The following RNF180 variants were observed in gnomAD, a reference collection of about 807,000 sequenced individuals.
RNF180 encodes E3 ubiquitin-protein ligase RNF180.
A neutral mutation model predicts 59.2 loss-of-function variants in RNF180; 38 were observed. That is an observed-to-expected ratio of 0.64 (90% CI 0.50 to 0.84). The LOEUF (loss-of-function observed/expected upper bound fraction) is 0.84, where lower values mean the gene tolerates loss of function less well. Among genes scored for constraint, RNF180 ranks in the 40% least tolerant of loss-of-function variants. The pLI is 0.00. For missense variants in RNF180, 705 were observed against 700.9 expected, an observed-to-expected ratio of 1.01 and a Z score of -0.07; for synonymous variants, 262 against 240.3, an observed-to-expected ratio of 1.09 and a Z score of -0.84.
At chr5:64,312,946 TG>T (rs776593666) in intron 5 of RNF180, among the ~76,000 whole-genome samples, 5 of 152,144 alleles carry the variant, frequency 3.3e-5, no homozygotes, top group African/African-American at 1.2e-4. Flanking sequence ...GTACTATATC[TG>T]GGTGTGGCCT....
intron 5 of RNF180, among the ~76,000 whole-genome samples, chr5:64,265,934 A>AC (rs1035566897): frequency 1.3e-5 from 2 of 152,054 alleles, no homozygotes; most frequent in African/African-American, 4.8e-5. Flanking sequence ...GAGGTCCTTC[A>AC]CGTCCCTTGT....
At chr5:64,334,588 A>G (rs752706080) in intron 7 of RNF180, among the ~76,000 whole-genome samples, 85 of 152,150 alleles carry the variant, frequency 5.6e-4, no homozygotes, top group Non-Finnish European at 9.9e-4. Context: ...TTTTGTATTT[A>G]TCATTTCTTT....
intron 1 of RNF180, among the ~76,000 whole-genome samples, chr5:64,183,118 C>A (rs935027284): frequency 3.9e-5 from 6 of 152,190 alleles, no homozygotes; most frequent in Non-Finnish European, 7.3e-5. Flanking sequence ...TCTCACTCTT[C>A]TCATCCTTAG....
At position 64,213,853 on chromosome 5, in the gene RNF180, G is replaced by A; in HGVS notation, c.527G>A (p.Gly176Glu). The A allele has an allele frequency of 6.2e-7, 1 of 1,614,102 alleles. No homozygotes were observed. Among genetic ancestry groups the A allele is most frequent in the South Asian group, 1.1e-5 (1 of 91,082 alleles). Residue 176 changes from glycine to glutamate, a missense_variant, in exon 4 of 8, where the codon GGA (glycine) becomes GAA (glutamate). Physicochemically the swap from Gly to Glu is moderately conservative, Grantham distance 98. Coordinates refer to ENST00000389100, the MANE Select transcript of RNF180 (RefSeq NM_001113561.2). The part of the protein sequence containing the change: ...LNMARNNNDP[G>E]RLTEALCLEV... ...ATGGCCCGAAATAATAATGACCCTG[G>A]AAGATTAACAGAAGCACTCTGCCTG... is the stretch of plus-strand genomic sequence containing the variant.
chr5:64,263,283 T>G (rs1580137564), intron 5 of RNF180, among the ~76,000 whole-genome samples: 1 of 152,178 alleles, frequency 6.6e-6, no homozygotes, highest in Admixed American at 6.6e-5. Flanking sequence ...TGGGGAATAT[T>G]TCTCCAGTGA....
intron 1 of RNF180, among the ~76,000 whole-genome samples, chr5:64,170,582 G>C (rs140832416): frequency 3.3e-5 from 5 of 152,272 alleles, no homozygotes; most frequent in African/African-American, 1.2e-4. Flanking sequence ...AGCGGAAAAG[G>C]CATAAGAAAG....
intron 5 of RNF180, among the ~76,000 whole-genome samples, chr5:64,323,607 T>C (rs975958055): frequency 3.9e-5 from 6 of 152,170 alleles, no homozygotes; most frequent in African/African-American, 1.4e-4. Context: ...TTATAAGCAC[T>C]GTTTTAAATG....
chr5:64,335,792 T>C (rs1745100694), intron 7 of RNF180, among the ~76,000 whole-genome samples: 1 of 152,196 alleles, frequency 6.6e-6, no homozygotes, highest in Non-Finnish European at 1.5e-5. Flanking sequence ...CTGGTCAAGC[T>C]GCATGAAAAA....
chr5:64,194,021 T>C (rs2112019181), intron 1 of RNF180, among the ~76,000 whole-genome samples: 1 of 152,294 alleles, frequency 6.6e-6, no homozygotes, highest in East Asian at 1.9e-4. Context: ...TTTTTTATTA[T>C]ACTTTAAGTT....
At chr5:64,225,205 T>C (rs1741604153) in intron 5 of RNF180, among the ~76,000 whole-genome samples, 1 of 152,244 alleles carries the variant, frequency 6.6e-6, no homozygotes, top group South Asian at 2.1e-4. Flanking sequence ...GTTTGATGAA[T>C]AGAACTAGGT....
At chr5:64,300,352 T>C (rs1055179619) in intron 5 of RNF180, among the ~76,000 whole-genome samples, 1 of 151,818 alleles carries the variant, frequency 6.6e-6, no homozygotes, top group Non-Finnish European at 1.5e-5. Flanking sequence ...GACTTAACGA[T>C]GGTTAGACAT....
chr5:64,289,210 T>C (rs190101519), intron 5 of RNF180, among the ~76,000 whole-genome samples: 2 of 152,324 alleles, frequency 1.3e-5, no homozygotes, highest in African/African-American at 4.8e-5. Context: ...TCTGAATACA[T>C]TGAACCACCC....
intron 7 of RNF180, among the ~76,000 whole-genome samples, chr5:64,332,916 C>T (rs1242579934): frequency 6.6e-6 from 1 of 151,998 alleles, no homozygotes; most frequent in Non-Finnish European, 1.5e-5. Flanking sequence ...TGCGTAAGAC[C>T]AACAAGATCA....
chr5:64,227,454 G>T (rs2112181389), intron 5 of RNF180, among the ~76,000 whole-genome samples: 1 of 152,308 alleles, frequency 6.6e-6, no homozygotes, highest in South Asian at 2.1e-4. Flanking sequence ...GGCACCTGGA[G>T]CCCCGCCCTC....
At chr5:64,227,727 C>A (rs1197950855) in intron 5 of RNF180, among the ~76,000 whole-genome samples, 2 of 152,182 alleles carry the variant, frequency 1.3e-5, no homozygotes, top group Non-Finnish European at 2.9e-5. Context: ...ACCAAGAAAA[C>A]TATCTGCACA....
At chr5:64,252,286 G>C (rs1365936457) in intron 5 of RNF180, among the ~76,000 whole-genome samples, 4 of 152,146 alleles carry the variant, frequency 2.6e-5, no homozygotes, top group South Asian at 4.1e-4. Flanking sequence ...GGAAAGGCCA[G>C]TTAGGGGAGG....
chr5:64,247,494 G>A (rs545774836), intron 5 of RNF180, among the ~76,000 whole-genome samples: 2 of 152,240 alleles, frequency 1.3e-5, no homozygotes, highest in South Asian at 4.2e-4. Context: ...AATCATGAGT[G>A]AACTCCCATT....
In RNF180 at chr5:64,370,101, C is replaced by T. The variant is rs1029208569; in HGVS notation, c.*287C>T. 1.1e-5 allele frequency: 2 copies of T among 190,260 alleles called. No individual in the cohort carries two copies. Among genetic ancestry groups the T allele is most frequent in the Non-Finnish European group, 1.1e-5 (1 of 93,680 alleles). 11.8% of individuals were successfully genotyped at this position (190,260 alleles called of 1,614,324 possible). Reference sequence around the variant, plus strand: ...CTGATTTTATAATATCACTTTAATACTTATTTTGATTGTAAAAAACTGAAG... The same window carrying T: ...CTGATTTTATAATATCACTTTAATATTTATTTTGATTGTAAAAAACTGAAG... On this transcript the variant is annotated 3_prime_UTR_variant, in exon 8 of 8. Transcript: ENST00000389100.
intron 2 of RNF180, among the ~76,000 whole-genome samples, chr5:64,202,900 T>G (rs1446559079): frequency 6.6e-6 from 1 of 152,318 alleles, no homozygotes; most frequent in African/African-American, 2.4e-5. Flanking sequence ...ACACTGCTAC[T>G]AAGAAGTGCA....
Sources: allele counts gnomAD v4.1 joint callset (sites outside exome capture counted in the v4.1 genomes callset), GRCh38; gene constraint gnomAD v4.1.1; transcripts MANE v1.5; gene names NCBI Gene and HGNC (gene_info 2026-07-23, HGNC 2026-07-21).